The following SENP6 variants were observed in gnomAD, a reference collection of about 807,000 sequenced individuals.
SENP6 encodes the protein sentrin-specific protease 6.
A neutral mutation model predicts 134.5 loss-of-function variants in SENP6; 41 were observed. The ratio of observed to expected loss-of-function variants is 0.30; its 90% CI spans 0.24 to 0.40. SENP6 has a LOEUF of 0.40. Among genes scored for constraint, SENP6 ranks in the 10% least tolerant of loss-of-function variants. The pLI, the probability that SENP6 is intolerant of heterozygous loss-of-function variation, is 1.00. For missense variants in SENP6, 1,248 were observed against 1,312.5 expected, an observed-to-expected ratio of 0.95 and a Z score of 0.76; for synonymous variants, 395 against 429.8, an observed-to-expected ratio of 0.92 and a Z score of 1.00.
At chr6:75,694,718 T>G (rs1200892304) in intron 16 of SENP6, among the ~76,000 whole-genome samples, 1 of 152,236 alleles carries the variant, frequency 6.6e-6, no homozygotes, top group Non-Finnish European at 1.5e-5. Context: ...TATTATCACT[T>G]CATTTCTATT....
Position 75,645,491 on chromosome 6 carries a change from C to T in SENP6, c.480-2240C>T, listed in dbSNP as rs567999282. ...AATTAGCACAGCATGGTGGCGCACA[C>T]GTGTAATCCCAGCTACTCAGGAGGC... On this transcript the variant is annotated intron_variant, in intron 6 of 23. Coordinates refer to ENST00000447266, the MANE Select transcript of SENP6 (RefSeq NM_015571.4). Among the ~76,000 whole-genome samples, 11 of 152,252 alleles carry T rather than the reference C, an allele frequency of 7.2e-5. No individual in the cohort carries two copies. In the South Asian group the frequency reaches 1.2e-3, roughly 17 times the overall value.
chr6:75,692,418 A>G (rs893508273), intron 16 of SENP6, among the ~76,000 whole-genome samples: 1 of 151,996 alleles, frequency 6.6e-6, no homozygotes, highest in Non-Finnish European at 1.5e-5. Context: ...CAAGGAGTTC[A>G]AGACCATATT....
intron 2 of SENP6, chr6:75,622,790 T>G (rs1376448146): frequency 3.9e-6 from 5 of 1,289,080 alleles, no homozygotes; most frequent in East Asian, 5.5e-5. Flanking sequence ...CGTTCATCAT[T>G]ACCACTTTAT....
At chr6:75,676,614 A>T (rs1041194459) in intron 13 of SENP6, 1 of 157,334 alleles carries the variant, frequency 6.4e-6, no homozygotes, top group Admixed American at 6.2e-5. Flanking sequence ...AATTTGCAAG[A>T]GTTGGCACAT....
intron 19 of SENP6, among the ~76,000 whole-genome samples, chr6:75,707,090 A>G (rs1775450520): frequency 6.6e-6 from 1 of 152,130 alleles, no homozygotes; most frequent in Admixed American, 6.6e-5. Context: ...TGACTGCATC[A>G]TTTAGGTTAT....
intron 16 of SENP6, among the ~76,000 whole-genome samples, chr6:75,681,336 C>T (rs1773449947): frequency 6.6e-6 from 1 of 152,174 alleles, no homozygotes; most frequent in African/African-American, 2.4e-5. Flanking sequence ...GTATGTCCTT[C>T]CTCTTCACCT....
chr6:75,659,460 T>A (rs1333203987), intron 8 of SENP6, 53 bp downstream of exon 8: 2 of 1,455,446 alleles, frequency 1.4e-6, no homozygotes, highest in East Asian at 4.6e-5. Flanking sequence ...TTGATTAATA[T>A]TAGTTTCAGT....
At chr6:75,649,859 G>A (rs955469120) in intron 7 of SENP6, among the ~76,000 whole-genome samples, 6 of 152,286 alleles carry the variant, frequency 3.9e-5, no homozygotes, top group African/African-American at 1.4e-4. Flanking sequence ...GAGAAAATTT[G>A]CAAATTTAAT....
At chr6:75,692,218 ATTATT>A (rs2149891952) in intron 16 of SENP6, among the ~76,000 whole-genome samples, 1 of 152,312 alleles carries the variant, frequency 6.6e-6, no homozygotes, top group East Asian at 1.9e-4. Context: ...AGATATGATT[ATTATT>A]TTAAAGTTAA....
chr6:75,680,971 G>C (rs930950728), intron 16 of SENP6, among the ~76,000 whole-genome samples: 6 of 152,184 alleles, frequency 3.9e-5, no homozygotes, highest in African/African-American at 1.2e-4. Flanking sequence ...AAAATGTCCA[G>C]ATTTCAAAAT....
chr6:75,678,882 A>G lies in SENP6; in HGVS notation c.2030A>G (p.Asn677Ser), dbSNP rs934030507. 4 of 1,596,964 alleles carry G rather than the reference A, an allele frequency of 2.5e-6. No homozygotes were observed. The African/African-American group carries it at 5.4e-5, about 21-fold the overall frequency. Reference sequence around the variant, plus strand: ...ACCAATGAGGACCTGCACTGTCTAAATGAAGGAGAATTTTTAAATGATGTT... The same window carrying G: ...ACCAATGAGGACCTGCACTGTCTAAGTGAAGGAGAATTTTTAAATGATGTT... ...SVTNEDLHCL[N>S]EGEFLNDVII... The change falls in exon 16 of 24, where the codon AAT (asparagine) becomes AGT (serine). Residue 677 changes from asparagine (N) to serine (S), a missense_variant. Physicochemically the swap from Asn to Ser is conservative, Grantham distance 46. Around this residue, in one of 3 missense-constraint regions of SENP6, gnomAD observed 129 missense variants for 192.0 expected, o/e 0.67. Transcript: ENST00000447266.
At chr6:75,694,495 G>A (rs1020865610) in intron 16 of SENP6, among the ~76,000 whole-genome samples, 1 of 152,186 alleles carries the variant, frequency 6.6e-6, no homozygotes, top group Admixed American at 6.6e-5. Context: ...ATACAATTCA[G>A]TGTGTTTCAT....
chr6:75,644,459 G>A lies in SENP6; in HGVS notation c.480-3272G>A, dbSNP rs186093658. ...AAAATGGGGTATTAGTAAATAGCTG[G>A]TAAATTTCTTTCTTTCTTTTTTTTT... is the stretch of plus-strand genomic sequence containing the variant. On this transcript the variant is annotated intron_variant, in intron 6 of 23. Transcript: ENST00000447266. Among the ~76,000 whole-genome samples the A allele has an allele frequency of 6.5e-4, 97 of 150,230 alleles. 1 individual carries two copies. Among genetic ancestry groups the A allele is most frequent in the Admixed American group, 2.3e-3 (34 of 15,002 alleles).
rs1318494631 is a variant in SENP6, at chr6:75,716,268, A to T, written c.*674A>T. ...AAAAAAAATTCTTGCATATATTATC[A>T]TCAAATGCATTTTTGAAGACATCAA... On this transcript the variant is annotated 3_prime_UTR_variant, in exon 24 of 24. Coordinates refer to ENST00000447266, the MANE Select transcript of SENP6 (RefSeq NM_015571.4). 1 of 152,028 alleles carries T rather than the reference A, an allele frequency of 6.6e-6. No homozygotes were observed. The highest frequency in any genetic ancestry group is 1.5e-5 in the Non-Finnish European group (1 of 67,860). 9.4% of individuals were successfully genotyped at this position (152,028 alleles called of 1,614,324 possible).
At chr6:75,647,508 CTTTA>C (rs993143054) in intron 6 of SENP6, 4 of 327,778 alleles carry the variant, frequency 1.2e-5, no homozygotes, top group Admixed American at 4.6e-5. Context: ...ACATTTATTC[CTTTA>C]TTTATTAATT....
At chr6:75,710,934 A>T (rs1775711300) in intron 20 of SENP6, among the ~76,000 whole-genome samples, 1 of 152,206 alleles carries the variant, frequency 6.6e-6, no homozygotes, top group Non-Finnish European at 1.5e-5. Flanking sequence ...ATTCATGTAA[A>T]ATAACATGTT....
At chr6:75,629,098 T>C (rs765646662) in intron 3 of SENP6, among the ~76,000 whole-genome samples, 13 of 152,244 alleles carry the variant, frequency 8.5e-5, no homozygotes, top group Non-Finnish European at 1.2e-4. Context: ...AAATAATTTG[T>C]AATCCAGTCA....
chr6:75,635,721 A>C (rs957614069), intron 5 of SENP6, among the ~76,000 whole-genome samples: 3 of 152,142 alleles, frequency 2.0e-5, no homozygotes, highest in Admixed American at 6.5e-5. Context: ...AAATTGGCTT[A>C]CTCTACTGCA....
chr6:75,635,507 C>G (rs1260071354), intron 5 of SENP6, among the ~76,000 whole-genome samples: 2 of 152,098 alleles, frequency 1.3e-5, no homozygotes, highest in Admixed American at 6.6e-5. Context: ...GACTGCTCGT[C>G]ATTTAGAAGA....
Sources: gnomAD v4.1 joint callset for allele counts (sites outside exome capture counted in the v4.1 genomes callset) on GRCh38, gnomAD v4.1.1 for gene constraint, gnomAD v4.1.1 regional missense constraint, MANE v1.5 for transcripts, NCBI Gene and HGNC (gene_info 2026-07-23, HGNC 2026-07-21) for gene names.